CNOT3: variants seen among roughly 807,000 people sequenced by gnomAD.
CNOT3 encodes the protein CCR4-NOT transcription complex subunit 3.
A neutral mutation model predicts 89.4 loss-of-function variants in CNOT3; 2 were observed. The ratio of observed to expected loss-of-function variants is 0.02; its 90% CI spans 0.01 to 0.07. The LOEUF is 0.07. CNOT3 is among the 10% of genes least tolerant of loss of function. CNOT3 has a pLI of 1.00. For synonymous variants in CNOT3, 486 were observed against 402.0 expected, an observed-to-expected ratio of 1.21 and a Z score of -2.50; for missense variants, 664 against 1,010.2, an observed-to-expected ratio of 0.66 and a Z score of 4.65.
chr19:54,148,836 C>T lies in CNOT3; in HGVS notation c.1406+93C>T, dbSNP rs1462360407. The T allele has an allele frequency of 8.6e-7, 1 of 1,159,186 alleles. No homozygotes were observed. Among genetic ancestry groups the T allele is most frequent in the African/African-American group, 1.6e-5 (1 of 64,512 alleles). The allele number at this position is 1,159,186 out of a possible 1,614,324, so 71.8% of individuals were successfully genotyped here. On this transcript the variant is annotated intron_variant, in intron 12 of 17. Coordinates refer to ENST00000221232, the MANE Select transcript of CNOT3 (RefSeq NM_014516.4). The surrounding 1 kb of genome is among the most constrained non-coding windows in gnomAD (Gnocchi z 6.3). The stretch of plus-strand genomic sequence containing the variant: ...ACCCCCGCATCGGTGGGTTCTGAAC[C>T]CCCCGCCCTTGCTGCTGGGAATGGC...
intron 1 of CNOT3, among the ~76,000 whole-genome samples, chr19:54,138,848 A>G (rs1039747497): frequency 6.6e-6 from 1 of 152,322 alleles, no homozygotes; most frequent in Admixed American, 6.5e-5. Context: ...CCTGGGGTAC[A>G]GGACCGTCCT....
intron 1 of CNOT3, 75 bp from the exon 2 acceptor site, chr19:54,142,854 C>T: frequency 1.1e-6 from 1 of 933,430 alleles, no homozygotes; most frequent in African/African-American, 1.6e-5. Flanking sequence ...CCTCACTATG[C>T]TGACTAGGTC....
chr19:54,151,052 A>G (rs1322728304), intron 13 of CNOT3, among the ~76,000 whole-genome samples: 1 of 152,212 alleles, frequency 6.6e-6, no homozygotes, highest in African/African-American at 2.4e-5. Context: ...TGACCTCCCA[A>G]AGTGCTGGGA....
chr19:54,150,578 T>TGTCCAGGAGGCAGTGTGCGCGCCCAGGCC (rs2075024900), intron 13 of CNOT3, among the ~76,000 whole-genome samples: 1 of 108,580 alleles, frequency 9.2e-6, no homozygotes, highest in African/African-American at 3.7e-5. Flanking sequence ...ATGCCCAGGC[T>TGTCCAGGAGGCAGTGTGCGCGCCCAGGCC]GTCCAGGAGG....
chr19:54,145,452 A>G lies in CNOT3; in HGVS notation c.484-146A>G, dbSNP rs2074624887. 3 of 629,662 alleles carry G rather than the reference A, an allele frequency of 4.8e-6. No homozygotes were observed. The South Asian group carries it at 5.6e-5, about 12-fold the overall frequency. The allele number at this position is 629,662 out of a possible 1,614,324, so 39.0% of individuals were successfully genotyped here. ...CCCACAGGGCTCAGAGGGTGGGTGG[A>G]CCCCATACTGCCCCACCCCGAAGGG... On this transcript the variant is annotated intron_variant, in intron 7 of 17. Transcript: ENST00000221232. This position sits in a 1 kb window ranked among gnomAD's most constrained non-coding sequence, Gnocchi z 5.9.
intron 17 of CNOT3, chr19:54,155,045 C>G: frequency 1.8e-6 from 1 of 541,962 alleles, no homozygotes; most frequent in East Asian, 3.3e-5. Flanking sequence ...TGCACTCACA[C>G]CTGGGGCTGG....
At chr19:54,155,183 G>A (rs1211732054) in intron 17 of CNOT3, 126 bp from the exon 18 acceptor site, 6 of 1,062,320 alleles carry the variant, frequency 5.6e-6, no homozygotes, top group Non-Finnish European at 8.2e-6. Context: ...GTGTGTGCGT[G>A]CAGGGCAGCT....
At chr19:54,150,707 C>A (rs1477516676) in intron 13 of CNOT3, among the ~76,000 whole-genome samples, 1 of 149,270 alleles carries the variant, frequency 6.7e-6, no homozygotes, top group Admixed American at 6.7e-5. Flanking sequence ...CACGATTATA[C>A]CTACTATGTA....
intron 1 of CNOT3, chr19:54,142,676 C>T (rs1173218339): frequency 5.2e-6 from 3 of 571,776 alleles, no homozygotes; most frequent in African/African-American, 1.9e-5. Flanking sequence ...TTTTCCACTT[C>T]CTGAGTCAGA....
rs587761983 is a variant in CNOT3 at position 54,143,348 on chromosome 19, G to C, written c.94-94G>C. The C allele has an allele frequency of 2.3e-4, 320 of 1,362,076 alleles. 1 individual carries two copies. The highest frequency in any genetic ancestry group is 8.4e-5 in the Admixed American group (5 of 59,384). 84.4% of individuals were successfully genotyped at this position (1,362,076 alleles called of 1,614,324 possible). ...ATGGATTGGGGGTAGGGGTTGGGGG[G>C]GGTCCTCGAGTCCCTAGCATAAGGA... On this transcript the variant is annotated intron_variant, in intron 3 of 17. Transcript: ENST00000221232.
intron 13 of CNOT3, 56 bp from the exon 14 acceptor site, chr19:54,152,170 C>T: frequency 6.3e-7 from 1 of 1,586,298 alleles, no homozygotes; most frequent in East Asian, 2.2e-5. Context: ...CTGTGTCAGG[C>T]TGCACTTGCT....
chr19:54,146,142 G>C (rs1470360894), intron 9 of CNOT3, 99 bp downstream of exon 9: 1 of 1,311,514 alleles, frequency 7.6e-7, no homozygotes, highest in African/African-American at 1.4e-5. Flanking sequence ...GAGCGTAATT[G>C]AGGAAACACA....
Position 54,145,886 on chromosome 19 carries a change from C to A in CNOT3, c.704-24C>A. The A allele has an allele frequency of 3.7e-6, 6 of 1,612,724 alleles. No individual in the cohort carries two copies. Among genetic ancestry groups the A allele is most frequent in the Non-Finnish European group, 5.1e-6 (6 of 1,179,408 alleles). ...GAATGGGCTGTGTGAGCCAGCTAAG[C>A]ATGCCCTTCTTCTGCCCCCACAGCA... On this transcript the variant is annotated intron_variant, in intron 8 of 17. Coordinates refer to ENST00000221232, the MANE Select transcript of CNOT3 (RefSeq NM_014516.4). This position sits in a 1 kb window ranked among gnomAD's most constrained non-coding sequence, Gnocchi z 5.9.
rs778898770 is a variant in CNOT3, at chr19:54,152,606, C to T, written c.1884C>T (p.Pro628=). The part of the protein sequence containing the change: ...EEAAWHHMPH[P]SDSERIRQYL... ...CCGCCTGGCACCACATGCCTCACCCCTCTGACTCTGAGCGTATTCGGTGAG... is the reference window on the plus strand; with the variant it reads ...CCGCCTGGCACCACATGCCTCACCCTTCTGACTCTGAGCGTATTCGGTGAG... The change falls in exon 15 of 18, where the codon CCC becomes CCT. Residue 628 remains proline (P), a synonymous_variant. Coordinates refer to ENST00000221232, the MANE Select transcript of CNOT3 (RefSeq NM_014516.4). The T allele has an allele frequency of 1.2e-6, 2 of 1,613,292 alleles. No homozygotes were observed. The highest frequency in any genetic ancestry group is 1.7e-6 in the Non-Finnish European group (2 of 1,179,644).
Position 54,148,045 on chromosome 19 carries a change from C to CGTATCATTA in CNOT3, c.895-103_895-102insGTATCATTA. On this transcript the variant is annotated intron_variant, in intron 10 of 17. Transcript: ENST00000221232. This position sits in a 1 kb window ranked among gnomAD's most constrained non-coding sequence, Gnocchi z 6.3. ...CAGGAGCAGGTGGGGGCAGCGAGGC[C>CGTATCATTA]AGAGAGGAGGCTGCTGGGACAAAGA... The CGTATCATTA allele has an allele frequency of 1.1e-6, 1 of 939,080 alleles. No homozygotes were observed. The allele number at this position is 939,080 out of a possible 1,614,324, so 58.2% of individuals were successfully genotyped here. A position where few individuals can be genotyped will look rare whatever the true frequency, so the allele number is the denominator to read the frequency against.
intron 1 of CNOT3, among the ~76,000 whole-genome samples, chr19:54,138,418 G>A (rs1314209058): frequency 6.6e-6 from 1 of 152,130 alleles, no homozygotes; most frequent in East Asian, 1.9e-4. Flanking sequence ...CCGCCCTCTC[G>A]GGGCTCAGGT....
intron 17 of CNOT3, 154 bp downstream of exon 17, chr19:54,153,994 T>C (rs1390936642): frequency 2.1e-6 from 2 of 967,838 alleles, no homozygotes; most frequent in East Asian, 5.0e-5. Context: ...GGCTGTCTGC[T>C]CAGCCTGGAA....
Position 54,150,787 on chromosome 19 carries a change from AT to A in CNOT3, c.1605+1043del, listed in dbSNP as rs746150231. Among the ~76,000 whole-genome samples the A allele has an allele frequency of 3.0e-3, 433 of 145,010 alleles. 5 individuals carry two copies. The highest frequency in any genetic ancestry group is 5.0e-3 in the African/African-American group (197 of 39,642). On this transcript the variant is annotated intron_variant, in intron 13 of 17. Transcript: ENST00000221232. ...AGTTTCTGGCCCAACAGAAGCATTA[AT>A]TTTTTTTTTTTTTCTTTTTTGAGAC...
At chr19:54,150,841 A>T (rs1436149540) in intron 13 of CNOT3, among the ~76,000 whole-genome samples, 22 of 150,538 alleles carry the variant, frequency 1.5e-4, no homozygotes, top group African/African-American at 4.9e-4. Context: ...CCCAGGCTGG[A>T]GTGCAGTGGT....
Sources: gnomAD v4.1 joint callset for allele counts (sites outside exome capture counted in the v4.1 genomes callset) on GRCh38, gnomAD v4.1.1 for gene constraint, Gnocchi (gnomAD v3.1) non-coding constraint, MANE v1.5 for transcripts, NCBI Gene and HGNC (gene_info 2026-07-23, HGNC 2026-07-21) for gene names.